The following KCNQ3 variants were observed in gnomAD, a reference collection of about 807,000 sequenced individuals.
KCNQ3 encodes the protein potassium voltage-gated channel subfamily Q member 3.
Under a neutral mutation model 92.5 loss-of-function variants are expected in KCNQ3, and 30 were observed. The ratio of observed to expected loss-of-function variants is 0.32; its 90% CI spans 0.24 to 0.44. The LOEUF (loss-of-function observed/expected upper bound fraction) is 0.44, where lower values mean the gene tolerates loss of function less well. KCNQ3 is among the 20% of genes least tolerant of loss of function. KCNQ3 has a pLI of 1.00. For synonymous variants in KCNQ3, 450 were observed against 468.8 expected, an observed-to-expected ratio of 0.96 and a Z score of 0.52; for missense variants, 913 against 1,140.3, an observed-to-expected ratio of 0.80 and a Z score of 2.87.
chr8:132,164,651 G>T (rs1586789215), intron 8 of KCNQ3, among the ~76,000 whole-genome samples: 1 of 152,140 alleles, frequency 6.6e-6, no homozygotes, highest in African/African-American at 2.4e-5. Context: ...TGACTCTCTA[G>T]GATGTTCTGA....
At chr8:132,145,381 G>A (rs1187769874) in intron 9 of KCNQ3, among the ~76,000 whole-genome samples, 1 of 152,230 alleles carries the variant, frequency 6.6e-6, no homozygotes, top group East Asian at 1.9e-4. Context: ...AGGGACTGCT[G>A]TATAGTGGAA....
chr8:132,134,944 C>T lies in KCNQ3; in HGVS notation c.1701-556G>A, dbSNP rs189297909. 6.1e-4 allele frequency among the ~76,000 whole-genome samples: 93 copies of T among 152,264 alleles called. 1 individual carries two copies. The highest frequency in any genetic ancestry group is 1.2e-3 in the Non-Finnish European group (82 of 68,016). ...GAAAGATAGATCCAACACCAGCTTCCATTCCTATTTCTATTTCTGCATGAG... is the reference window on the plus strand; with the variant it reads ...GAAAGATAGATCCAACACCAGCTTCTATTCCTATTTCTATTTCTGCATGAG... On this transcript the variant is annotated intron_variant, in intron 12 of 14. Coordinates refer to ENST00000388996, the MANE Select transcript of KCNQ3 (RefSeq NM_004519.4).
chr8:132,255,796 A>T (rs961969060), intron 1 of KCNQ3, among the ~76,000 whole-genome samples: 1 of 152,230 alleles, frequency 6.6e-6, no homozygotes, highest in African/African-American at 2.4e-5. Context: ...GTGGGCACAC[A>T]TGAAAAGGAA....
chr8:132,159,086 A>T (rs765121870), intron 9 of KCNQ3, among the ~76,000 whole-genome samples: 2 of 152,210 alleles, frequency 1.3e-5, no homozygotes, highest in Non-Finnish European at 2.9e-5. Flanking sequence ...TATCAAAAAG[A>T]TGTCCATAAT....
chr8:132,186,058 A>G (rs762523515), intron 2 of KCNQ3, 33 bp downstream of exon 2: 1 of 1,545,602 alleles, frequency 6.5e-7, no homozygotes, highest in South Asian at 1.1e-5. Flanking sequence ...TGGAAGCCCA[A>G]CCAGAAGCAT....
intron 1 of KCNQ3, among the ~76,000 whole-genome samples, chr8:132,449,145 C>G (rs140410123): frequency 1.2e-4 from 18 of 152,204 alleles, no homozygotes; most frequent in African/African-American, 3.4e-4. Flanking sequence ...GGGTTAGAGC[C>G]CCATGTGTAC....
At chr8:132,346,352 C>T (rs1818688975) in intron 1 of KCNQ3, among the ~76,000 whole-genome samples, 1 of 152,174 alleles carries the variant, frequency 6.6e-6, no homozygotes, top group Non-Finnish European at 1.5e-5. Context: ...TCTGCTCATG[C>T]AAGTGCCACT....
At chr8:132,133,361 T>TTTA (rs1327195348) in intron 13 of KCNQ3, among the ~76,000 whole-genome samples, 1 of 145,010 alleles carries the variant, frequency 6.9e-6, no homozygotes, top group Non-Finnish European at 1.5e-5. Flanking sequence ...ATTCTTTTTT[T>TTTA]TTTTTTTTTT....
intron 1 of KCNQ3, among the ~76,000 whole-genome samples, chr8:132,390,673 T>A (rs1218573337): frequency 2.0e-5 from 3 of 152,146 alleles, no homozygotes; most frequent in African/African-American, 4.8e-5. Flanking sequence ...CACTTCTCTC[T>A]GGGCCTCCAT....
intron 1 of KCNQ3, among the ~76,000 whole-genome samples, chr8:132,386,326 A>C (rs1586975917): frequency 6.6e-6 from 1 of 152,244 alleles, no homozygotes. Flanking sequence ...AAATATAAAA[A>C]TATAAATTAA....
At chr8:132,461,140 T>C (rs77206746) in intron 1 of KCNQ3, among the ~76,000 whole-genome samples, 1 of 152,238 alleles carries the variant, frequency 6.6e-6, no homozygotes. Flanking sequence ...TATCCATTCA[T>C]CTTGGTTGCA....
chr8:132,234,689 C>G (rs566787472), intron 1 of KCNQ3, among the ~76,000 whole-genome samples: 4 of 152,298 alleles, frequency 2.6e-5, no homozygotes, highest in Middle Eastern at 6.8e-3. Context: ...GAAACTAAGG[C>G]TCAGACCAAT....
At chr8:132,479,711 G>A (rs1822499301) in intron 1 of KCNQ3, among the ~76,000 whole-genome samples, 1 of 148,764 alleles carries the variant, frequency 6.7e-6, no homozygotes, top group Admixed American at 6.7e-5. Flanking sequence ...ACTCAGTGGC[G>A]ATCCCAACAG....
intron 1 of KCNQ3, among the ~76,000 whole-genome samples, chr8:132,340,856 C>G (rs766160499): frequency 3.9e-5 from 6 of 152,216 alleles, no homozygotes; most frequent in Non-Finnish European, 7.3e-5. Context: ...TAGTTTCCTT[C>G]ATTGCACCTA....
chr8:132,380,756 T>C (rs186108295), intron 1 of KCNQ3, among the ~76,000 whole-genome samples: 3 of 147,396 alleles, frequency 2.0e-5, no homozygotes, highest in Admixed American at 6.7e-5. Flanking sequence ...ATTTAATTAA[T>C]ATTCACGGAA....
intron 1 of KCNQ3, among the ~76,000 whole-genome samples, chr8:132,351,531 C>T (rs998578100): frequency 6.6e-6 from 1 of 152,146 alleles, no homozygotes; most frequent in East Asian, 1.9e-4. Flanking sequence ...ACCAGAGACC[C>T]CAGAATCCTT....
chr8:132,123,429 A>T lies in KCNQ3; in HGVS notation c.*5833T>A, dbSNP rs1284047210. ...ACAGCAGGAATCTGGGAGAAGGAACATCATCGTCTTTCACAGCATGGAAAC... is the reference window on the plus strand; with the variant it reads ...ACAGCAGGAATCTGGGAGAAGGAACTTCATCGTCTTTCACAGCATGGAAAC... On this transcript the variant is annotated 3_prime_UTR_variant, in exon 15 of 15. Transcript: ENST00000388996. The T allele has an allele frequency of 6.6e-6, 1 of 152,216 alleles. No homozygotes were observed. The highest frequency in any genetic ancestry group is 1.5e-5 in the Non-Finnish European group (1 of 68,062). The allele number at this position is 152,216 out of a possible 1,614,324, so 9.4% of individuals were successfully genotyped here.
chr8:132,305,399 T>G (rs1817388286), intron 1 of KCNQ3, among the ~76,000 whole-genome samples: 1 of 152,216 alleles, frequency 6.6e-6, no homozygotes, highest in African/African-American at 2.4e-5. Context: ...ACAATGCATA[T>G]TAAAACCATC....
In KCNQ3 at chr8:132,199,546, TG is replaced by T. The variant is rs367977482; in HGVS notation, c.387-13366del. 2.2e-4 allele frequency among the ~76,000 whole-genome samples: 34 copies of T among 152,354 alleles called. No individual in the cohort carries two copies. In the East Asian group the frequency reaches 3.1e-3, roughly 14 times the overall value. On this transcript the variant is annotated intron_variant, in intron 1 of 14. Coordinates refer to ENST00000388996, the MANE Select transcript of KCNQ3 (RefSeq NM_004519.4). ...TAGGTTTTTATTGATTCCTATTAAC[TG>T]TGGAATAAAAGGTTTCTTCTAAATC...
Sources: gnomAD v4.1 joint callset for allele counts (sites outside exome capture counted in the v4.1 genomes callset) on GRCh38, gnomAD v4.1.1 for gene constraint, MANE v1.5 for transcripts, NCBI Gene and HGNC (gene_info 2026-07-23, HGNC 2026-07-21) for gene names.